CSMD1: variants seen among roughly 807,000 people sequenced by gnomAD.
CSMD1 encodes CUB and sushi domain-containing protein 1.
In CSMD1, 213 loss-of-function variants were observed where a neutral mutation model predicts 417.5. The observed-to-expected ratio is 0.51, with a 90% CI of 0.46 to 0.57. The LOEUF (loss-of-function observed/expected upper bound fraction) is 0.57. Ranked by LOEUF, CSMD1 falls within the 20% of genes least tolerant of loss-of-function variation. The pLI, the probability that CSMD1 is intolerant of heterozygous loss-of-function variation, is 0.00. For missense variants in CSMD1, 6,923 were observed against 4,529.7 expected (o/e 1.53, Z -15.17); for synonymous variants, 2,862 against 1,736.8 (o/e 1.65, Z -16.11).
intron 1 of CSMD1, among the ~76,000 whole-genome samples, chr8:4,696,940 G>A (rs530162775): frequency 1.3e-5 from 2 of 152,162 alleles, no homozygotes; most frequent in East Asian, 1.9e-4. Flanking sequence ...TTAGGAGGCC[G>A]AGCTGGGTAG....
intron 3 of CSMD1, among the ~76,000 whole-genome samples, chr8:4,410,704 T>C (rs939737159): frequency 2.0e-5 from 3 of 151,872 alleles, no homozygotes; most frequent in Non-Finnish European, 4.4e-5. Flanking sequence ...TAAAAAAATC[T>C]TGGGAGAGAA....
intron 2 of CSMD1, among the ~76,000 whole-genome samples, chr8:4,628,738 C>T (rs1370059809): frequency 2.6e-5 from 4 of 152,076 alleles, no homozygotes; most frequent in Admixed American, 2.6e-4. Context: ...TCTAAGAGCC[C>T]TCAGGTGAGT....
At chr8:4,407,589 T>G (rs1796391830) in intron 3 of CSMD1, among the ~76,000 whole-genome samples, 1 of 152,238 alleles carries the variant, frequency 6.6e-6, no homozygotes, top group Non-Finnish European at 1.5e-5. Flanking sequence ...ATACCTCACT[T>G]AAATTTCTAG....
At chr8:4,606,055 G>C (rs1274010375) in intron 2 of CSMD1, among the ~76,000 whole-genome samples, 2 of 152,170 alleles carry the variant, frequency 1.3e-5, no homozygotes, top group Admixed American at 6.6e-5. Flanking sequence ...TATTTTGGAA[G>C]CCTGAGAAGG....
At chr8:3,134,245 T>G (rs1388988804) in intron 41 of CSMD1, among the ~76,000 whole-genome samples, 1 of 152,206 alleles carries the variant, frequency 6.6e-6, no homozygotes, top group Non-Finnish European at 1.5e-5. Context: ...CAGTGTTTGC[T>G]GCACAAATCA....
chr8:3,203,141 A>T (rs1348469201), intron 31 of CSMD1, among the ~76,000 whole-genome samples: 1 of 152,206 alleles, frequency 6.6e-6, no homozygotes, highest in Admixed American at 6.5e-5. Context: ...ACTAAGAAAA[A>T]AGGAGGGAAG....
intron 5 of CSMD1, among the ~76,000 whole-genome samples, chr8:3,808,766 G>C (rs1467671401): frequency 6.6e-6 from 1 of 152,194 alleles, no homozygotes; most frequent in African/African-American, 2.4e-5. Context: ...ACACGAGTTA[G>C]CTTTAGGTAG....
chr8:3,720,620 T>TTCACACACACACACACACACACAC (rs72331833), intron 6 of CSMD1, among the ~76,000 whole-genome samples: 21 of 143,418 alleles, frequency 1.5e-4, no homozygotes, highest in African/African-American at 4.2e-4. Context: ...TCTTTATTCT[T>TTCACACACACACACACACACACAC]ACACACACAC....
chr8:3,325,515 C>T (rs895430009), intron 23 of CSMD1, among the ~76,000 whole-genome samples: 1 of 152,162 alleles, frequency 6.6e-6, no homozygotes, highest in Non-Finnish European at 1.5e-5. Context: ...CAATTAGTTC[C>T]ACTTGATGAA....
intron 5 of CSMD1, among the ~76,000 whole-genome samples, chr8:3,872,719 T>C (rs184371076): frequency 2.0e-5 from 3 of 152,236 alleles, no homozygotes; most frequent in Non-Finnish European, 4.4e-5. Flanking sequence ...GTTCTCACTA[T>C]TAACAGAGTG....
intron 3 of CSMD1, among the ~76,000 whole-genome samples, chr8:4,410,649 G>A (rs1244497549): frequency 1.3e-5 from 2 of 151,942 alleles, no homozygotes; most frequent in Admixed American, 6.6e-5. Flanking sequence ...ATGTAAACAT[G>A]GAGAAATTTG....
Position 3,162,179 on chromosome 8 carries a change from C to G in CSMD1, c.5824G>C (p.Glu1942Gln), listed in dbSNP as rs769301378. ...MVNDVLSFQC[E>Q]PGYTLQGRSH... ...GATACCTGCAGGGTGTACCCGGGCT[C>G]GCACTGGAAGGAGAGCACGTCGTTC... is the stretch of plus-strand genomic sequence containing the variant. Residue 1942 changes from glutamate (E) to glutamine (Q), a missense_variant, in exon 38 of 70, where the codon GAG becomes CAG. By Grantham distance (29) the Glu-to-Gln change is conservative (BLOSUM62 2). Coordinates refer to ENST00000635120, the MANE Select transcript of CSMD1 (RefSeq NM_033225.6). The G allele has an allele frequency of 1.2e-6, 2 of 1,607,260 alleles. No homozygotes were observed. The highest frequency in any genetic ancestry group is 4.5e-5 in the East Asian group (2 of 44,718).
chr8:4,172,188 A>G (rs1388756308), intron 3 of CSMD1, among the ~76,000 whole-genome samples: 2 of 152,136 alleles, frequency 1.3e-5, no homozygotes, highest in Non-Finnish European at 2.9e-5. Context: ...TAATGAGAAA[A>G]ACTCTACGCC....
chr8:3,198,548 T>A (rs746376399), intron 33 of CSMD1, among the ~76,000 whole-genome samples: 12 of 152,222 alleles, frequency 7.9e-5, no homozygotes, highest in Non-Finnish European at 8.8e-5. Flanking sequence ...CTCCATTCAT[T>A]CAATGGCTAC....
intron 3 of CSMD1, among the ~76,000 whole-genome samples, chr8:4,108,250 A>G (rs1007167624): frequency 6.6e-6 from 1 of 152,204 alleles, no homozygotes. Flanking sequence ...TAATTTCTAT[A>G]GGTTGAGTTG....
chr8:4,300,004 T>A (rs1412330826), intron 3 of CSMD1, among the ~76,000 whole-genome samples: 1 of 152,188 alleles, frequency 6.6e-6, no homozygotes, highest in Non-Finnish European at 1.5e-5. Context: ...GTAGAAAGCA[T>A]AAATCTACAA....
intron 8 of CSMD1, among the ~76,000 whole-genome samples, chr8:3,612,843 T>G (rs1027828759): frequency 1.3e-5 from 2 of 152,106 alleles, no homozygotes; most frequent in Non-Finnish European, 2.9e-5. Flanking sequence ...CTTAAATCAC[T>G]GATCTCAGCT....
intron 49 of CSMD1, among the ~76,000 whole-genome samples, chr8:3,061,408 G>C (rs539998654): frequency 2.0e-5 from 3 of 152,204 alleles, no homozygotes; most frequent in African/African-American, 7.2e-5. Context: ...AAATATGAAA[G>C]AATATTTTTA....
chr8:3,484,777 A>C (rs1817930924), intron 11 of CSMD1, among the ~76,000 whole-genome samples: 2 of 152,250 alleles, frequency 1.3e-5, no homozygotes. Context: ...AAAGACTTAG[A>C]CATTTTGCCA....
Sources: gnomAD v4.1 joint callset for allele counts (sites outside exome capture counted in the v4.1 genomes callset) on GRCh38, gnomAD v4.1.1 for gene constraint, MANE v1.5 for transcripts, NCBI Gene and HGNC (gene_info 2026-07-23, HGNC 2026-07-21) for gene names.